Variants in C20orf96 observed in about 807,000 individuals in gnomAD.
C20orf96 encodes the protein chromosome 20 open reading frame 96.
C20orf96 carries 57 observed loss-of-function variants against 52.6 expected under a neutral mutation model. The observed-to-expected ratio is 1.08, with a 90% CI of 0.88 to 1.35. The LOEUF is 1.35. Ranked by LOEUF, C20orf96 falls within the 40% of genes most tolerant of loss-of-function variation. The probability of loss-of-function intolerance (pLI) is 0.00; values close to 1 mark genes in which losing one functional copy is unlikely to be tolerated. For missense variants in C20orf96, 478 were observed against 443.6 expected (o/e 1.08, Z -0.70); for synonymous variants, 168 against 157.2 (o/e 1.07, Z -0.51).
intron 5 of C20orf96, among the ~76,000 whole-genome samples, 186 bp downstream of exon 5, chr20:278,986 C>G (rs190796254): frequency 3.2e-3 from 2 of 618 alleles, no homozygotes; most frequent in Non-Finnish European, 6.1e-3. Context: ...GAGGGAGGGA[C>G]GGAGGGCGGG....
At chr20:279,410 C>T (rs2012188923) in intron 4 of C20orf96, 80 bp from the exon 5 acceptor site, 1 of 1,425,036 alleles carries the variant, frequency 7.0e-7, no homozygotes, top group African/African-American at 1.5e-5. Context: ...GACCCGCCGC[C>T]CCGGCCCCGC....
At chr20:274,473 T>C (rs368882912) in intron 10 of C20orf96, among the ~76,000 whole-genome samples, 2 of 152,168 alleles carry the variant, frequency 1.3e-5, no homozygotes. Context: ...GTGGTTCAAT[T>C]TGCCTAATTC....
At chr20:272,262 G>C (rs564552762) in intron 10 of C20orf96, among the ~76,000 whole-genome samples, 1 of 151,806 alleles carries the variant, frequency 6.6e-6, no homozygotes, top group Admixed American at 6.6e-5. Context: ...GCCAATATCT[G>C]TCCTCTGAGG....
At chr20:275,181 A>T (rs934270850) in intron 10 of C20orf96, among the ~76,000 whole-genome samples, 1 of 152,106 alleles carries the variant, frequency 6.6e-6, no homozygotes, top group Non-Finnish European at 1.5e-5. Context: ...CTGCAACTCC[A>T]CATTTATTTG....
At chr20:278,185 C>A in intron 6 of C20orf96, 145 bp downstream of exon 6, 1 of 711,706 alleles carries the variant, frequency 1.4e-6, no homozygotes, top group Non-Finnish European at 2.6e-6. Context: ...ATGCTATTCG[C>A]TCTGTATCTT....
chr20:287,249 T>A (rs1431325579), intron 3 of C20orf96, among the ~76,000 whole-genome samples: 3 of 152,226 alleles, frequency 2.0e-5, no homozygotes, highest in Non-Finnish European at 4.4e-5. Context: ...GCCACACTTG[T>A]TTCCAGAGAG....
chr20:278,243 G>T, intron 6 of C20orf96, 87 bp downstream of exon 6: 1 of 973,718 alleles, frequency 1.0e-6, no homozygotes, highest in Non-Finnish European at 1.7e-6. Context: ...GAGGGTTTCT[G>T]AATGGCAAGT....
At chr20:286,069 G>T (rs951480479) in intron 3 of C20orf96, among the ~76,000 whole-genome samples, 3 of 152,170 alleles carry the variant, frequency 2.0e-5, no homozygotes, top group Non-Finnish European at 4.4e-5. Flanking sequence ...TATAAAAATT[G>T]TAAGATTCTT....
At chr20:289,204 C>CA (rs1555771697) in intron 3 of C20orf96, among the ~76,000 whole-genome samples, 96 of 150,598 alleles carry the variant, frequency 6.4e-4, no homozygotes, top group African/African-American at 2.2e-3. Context: ...GGACCCCCCC[C>CA]AAAAAAAATG....
chr20:276,901 G>A (rs1568490144), intron 8 of C20orf96, 22 bp from the exon 9 acceptor site: 3 of 1,613,816 alleles, frequency 1.9e-6, no homozygotes, highest in South Asian at 2.2e-5. Context: ...GAAGAGGTCT[G>A]GCCCCCAGGT....
chr20:276,388 C>T (rs2012024588), intron 9 of C20orf96: 1 of 985,122 alleles, frequency 1.0e-6, no homozygotes, highest in Non-Finnish European at 1.2e-6. Context: ...TAGTGAAGGG[C>T]ATACACATTA....
chr20:271,862 C>A (rs2011851602), intron 10 of C20orf96, among the ~76,000 whole-genome samples: 1 of 152,160 alleles, frequency 6.6e-6, no homozygotes, highest in Non-Finnish European at 1.5e-5. Flanking sequence ...ATTATTATTT[C>A]CATGAAAGTA....
In C20orf96 at chr20:290,742, G is replaced by T; in HGVS notation, c.-132C>A. On this transcript the variant is annotated 5_prime_UTR_variant, in exon 1 of 11. Transcript: ENST00000360321. ...AGGCCACTCAGAAGTCCCGAGACCC[G>T]ATGCTTTCGCCAGCGTCTCGGTCTC... The T allele has an allele frequency of 9.2e-7, 1 of 1,088,888 alleles. No homozygotes were observed. The allele number at this position is 1,088,888 out of a possible 1,614,324, so 67.5% of individuals were successfully genotyped here.
At chr20:279,567 G>A (rs1478093619) in intron 4 of C20orf96, among the ~76,000 whole-genome samples, 1 of 152,188 alleles carries the variant, frequency 6.6e-6, no homozygotes, top group Non-Finnish European at 1.5e-5. Context: ...TGAGGTGCGG[G>A]TGCATCTACA....
Position 285,660 on chromosome 20 carries a change from C to G in C20orf96, c.188-1579G>C, listed in dbSNP as rs2012364328. ...TCAATGGCGAGATCTCGGCTCACTG[C>G]TACTTCTGCCTCCCAGATTCAAGCA... On this transcript the variant is annotated intron_variant, in intron 3 of 10. Coordinates refer to ENST00000360321, the MANE Select transcript of C20orf96 (RefSeq NM_153269.3). Among the ~76,000 whole-genome samples, 3 of 152,188 alleles carry G rather than the reference C, an allele frequency of 2.0e-5. No homozygotes were observed. In the South Asian group the frequency reaches 6.2e-4, roughly 31 times the overall value.
chr20:276,429 T>G, intron 9 of C20orf96: 2 of 985,186 alleles, frequency 2.0e-6, no homozygotes, highest in Non-Finnish European at 2.4e-6. Context: ...ATAATGAAAA[T>G]TAATTCAAGA....
At chr20:279,830 C>A (rs1356306413) in intron 4 of C20orf96, among the ~76,000 whole-genome samples, 1 of 151,938 alleles carries the variant, frequency 6.6e-6, no homozygotes, top group African/African-American at 2.4e-5. Context: ...ATTAGCCGAG[C>A]GTGGTGGCGC....
intron 3 of C20orf96, among the ~76,000 whole-genome samples, chr20:286,644 A>G (rs1352161250): frequency 6.6e-6 from 1 of 152,198 alleles, no homozygotes; most frequent in Non-Finnish European, 1.5e-5. Context: ...GAGGTAGTCT[A>G]TGTACCCTTT....
At position 276,046 on chromosome 20, in the gene C20orf96, G is replaced by A. The variant is rs745458252; in HGVS notation, c.953C>T (p.Ala318Val). 1.2e-6 allele frequency: 2 copies of A among 1,614,058 alleles called. No individual in the cohort carries two copies. The highest frequency in any genetic ancestry group is 1.7e-5 in the Admixed American group (1 of 59,998). The change falls in exon 10 of 11, where the codon GCC (alanine) becomes GTC (valine). Residue 318 changes from alanine to valine, a missense_variant. By Grantham distance (64) the Ala-to-Val change is moderately conservative (BLOSUM62 0). Transcript: ENST00000360321. ...CTGGGCTTGGAGCTCTTCCACCTCG[G>A]CCCTTAATACAGGCATGTTCTCCTC... ...QFEENMPVLRAEVEELQAQTR... is the reference protein window; with the variant it reads ...QFEENMPVLRVEVEELQAQTR...
Sources: allele counts gnomAD v4.1 joint callset (sites outside exome capture counted in the v4.1 genomes callset), GRCh38; gene constraint gnomAD v4.1.1; transcripts MANE v1.5; gene names NCBI Gene and HGNC (gene_info 2026-07-23, HGNC 2026-07-21).